SLC24A2: variants seen among roughly 807,000 people sequenced by gnomAD.
SLC24A2 encodes sodium/potassium/calcium exchanger 2.
Under a neutral mutation model 62.0 loss-of-function variants are expected in SLC24A2, and 36 were observed. That is an observed-to-expected ratio of 0.58 (90% confidence interval 0.44 to 0.77). The LOEUF is 0.77. Among genes scored for constraint, SLC24A2 ranks in the 30% least tolerant of loss-of-function variants. The probability of loss-of-function intolerance (pLI) is 0.00; values close to 1 mark genes in which losing one functional copy is unlikely to be tolerated. For synonymous variants in SLC24A2, 358 were observed against 294.0 expected (o/e 1.22, Z -2.23); for missense variants, 846 against 817.9 (o/e 1.03, Z -0.42).
At chr9:20,028,744 C>A in the SLC24A2 span, among the ~76,000 whole-genome samples, 30 of 152,320 alleles carry the variant, frequency 2.0e-4, no homozygotes, top group East Asian at 5.6e-3. Flanking sequence ...GAGTACACAT[C>A]CCCCTGTCTG....
the SLC24A2 span, chr9:19,929,908 A>G: frequency 1.3e-5 from 2 of 152,210 alleles, no homozygotes; most frequent in African/African-American, 2.4e-5. Flanking sequence ...AAAAAGCAAA[A>G]AATATTAAAA....
the SLC24A2 span, among the ~76,000 whole-genome samples, chr9:19,880,210 T>C: frequency 6.6e-6 from 1 of 152,212 alleles, no homozygotes; most frequent in Admixed American, 6.5e-5. Context: ...TATGTGTTCT[T>C]CTTAGCCTGG....
intron 2 of SLC24A2, among the ~76,000 whole-genome samples, chr9:19,684,755 G>A (rs544317154): frequency 6.6e-6 from 1 of 152,112 alleles, no homozygotes; most frequent in Non-Finnish European, 1.5e-5. Flanking sequence ...TTCATATCTG[G>A]TTCTTGGTTG....
chr9:19,557,728 G>A (rs1250279106), intron 7 of SLC24A2, among the ~76,000 whole-genome samples: 1 of 150,464 alleles, frequency 6.6e-6, no homozygotes, highest in Non-Finnish European at 1.5e-5. Context: ...TCAGACCCCA[G>A]TAATGAAACA....
At chr9:19,598,766 A>C (rs1471831520) in intron 4 of SLC24A2, among the ~76,000 whole-genome samples, 9 of 152,200 alleles carry the variant, frequency 5.9e-5, no homozygotes, top group Admixed American at 5.9e-4. Context: ...AATGACCTAA[A>C]TACCTTCATA....
chr9:19,829,309 G>T, the SLC24A2 span, among the ~76,000 whole-genome samples: 5 of 152,144 alleles, frequency 3.3e-5, no homozygotes, highest in East Asian at 3.9e-4. Context: ...GCACCGGTGT[G>T]GTTGATATAG....
At chr9:20,071,319 T>C in the SLC24A2 span, among the ~76,000 whole-genome samples, 1 of 152,192 alleles carries the variant, frequency 6.6e-6, no homozygotes, top group Non-Finnish European at 1.5e-5. Context: ...TGGAGTTCCA[T>C]TCATTAGAAG....
the SLC24A2 span, among the ~76,000 whole-genome samples, chr9:20,030,925 C>T: frequency 1.3e-5 from 2 of 152,122 alleles, no homozygotes; most frequent in Non-Finnish European, 2.9e-5. Context: ...ACCCTACTCT[C>T]ACCTCACATG....
chr9:19,774,165 A>G (rs1343904244), intron 2 of SLC24A2, among the ~76,000 whole-genome samples: 2 of 152,184 alleles, frequency 1.3e-5, no homozygotes, highest in Non-Finnish European at 2.9e-5. Flanking sequence ...TCAGAGCAAA[A>G]GAGACCAGGA....
chr9:19,972,472 T>A, the SLC24A2 span, among the ~76,000 whole-genome samples: 1 of 152,190 alleles, frequency 6.6e-6, no homozygotes, highest in Non-Finnish European at 1.5e-5. Flanking sequence ...GAATTCTAAC[T>A]ACAACCTTTC....
the SLC24A2 span, among the ~76,000 whole-genome samples, chr9:20,073,925 T>TAC: frequency 2.1e-5 from 3 of 144,888 alleles, no homozygotes; most frequent in African/African-American, 8.0e-5. Flanking sequence ...GGGAGATATA[T>TAC]ATATATATAT....
At chr9:19,684,349 A>G (rs1819813732) in intron 2 of SLC24A2, among the ~76,000 whole-genome samples, 1 of 152,090 alleles carries the variant, frequency 6.6e-6, no homozygotes, top group Non-Finnish European at 1.5e-5. Flanking sequence ...GAACTAGGGT[A>G]ACATCCTTAA....
intron 2 of SLC24A2, among the ~76,000 whole-genome samples, chr9:19,771,658 C>A (rs186030605): frequency 6.6e-6 from 1 of 152,234 alleles, no homozygotes; most frequent in Admixed American, 6.5e-5. Context: ...TCCTGAGCCC[C>A]CTGGAAACCA....
the SLC24A2 span, among the ~76,000 whole-genome samples, chr9:20,261,754 T>TTTTC: frequency 6.9e-6 from 1 of 144,872 alleles, no homozygotes; most frequent in Non-Finnish European, 1.5e-5. Context: ...TTTTTTTTTT[T>TTTTC]TTTGAGACTG....
chr9:20,163,182 A>G, the SLC24A2 span, among the ~76,000 whole-genome samples: 2 of 152,176 alleles, frequency 1.3e-5, no homozygotes, highest in Non-Finnish European at 2.9e-5. Flanking sequence ...GAAAAGAGGA[A>G]GTCAAATTGT....
chr9:20,003,500 T>C, the SLC24A2 span, among the ~76,000 whole-genome samples: 1 of 152,314 alleles, frequency 6.6e-6, no homozygotes, highest in East Asian at 1.9e-4. Context: ...AAATCCTTTT[T>C]TTTTAAAGTA....
intron 5 of SLC24A2, among the ~76,000 whole-genome samples, chr9:19,589,887 T>G (rs1223495345): frequency 6.6e-6 from 1 of 152,174 alleles, no homozygotes; most frequent in Non-Finnish European, 1.5e-5. Context: ...AAAGCATCCA[T>G]TATCTGAACA....
At chr9:19,567,221 T>A (rs1467985172) in intron 7 of SLC24A2, among the ~76,000 whole-genome samples, 1 of 150,276 alleles carries the variant, frequency 6.7e-6, no homozygotes, top group Non-Finnish European at 1.5e-5. Flanking sequence ...AACCAAACAC[T>A]TTGCCATCAT....
the SLC24A2 span, among the ~76,000 whole-genome samples, chr9:20,188,250 C>A: frequency 1.3e-5 from 2 of 152,172 alleles, no homozygotes; most frequent in Admixed American, 1.3e-4. Context: ...ACAGTGGACC[C>A]CTGGTTTCCT....
Sources: allele counts gnomAD v4.1 joint callset (sites outside exome capture counted in the v4.1 genomes callset), GRCh38; gene constraint gnomAD v4.1.1; transcripts MANE v1.5; gene names NCBI Gene and HGNC (gene_info 2026-07-23, HGNC 2026-07-21).